The following GSN variants were observed in gnomAD, a reference collection of about 807,000 sequenced individuals.
GSN encodes actin-depolymerizing factor.
GSN carries 56 observed loss-of-function variants against 85.7 expected under a neutral mutation model. The observed-to-expected ratio is 0.65, with a 90% CI of 0.53 to 0.82. GSN has a LOEUF of 0.82. Among genes scored for constraint, GSN ranks in the 40% least tolerant of loss-of-function variants. GSN has a pLI of 0.00. For missense variants in GSN, 857 were observed against 979.8 expected, an observed-to-expected ratio of 0.87 and a Z score of 1.67; for synonymous variants, 373 against 399.1, an observed-to-expected ratio of 0.93 and a Z score of 0.78.
intron 5 of GSN, among the ~76,000 whole-genome samples, chr9:121,243,075 G>A (rs902030799): frequency 6.6e-6 from 1 of 152,152 alleles, no homozygotes; most frequent in Non-Finnish European, 1.5e-5. Context: ...AAGTTCTGGA[G>A]TTCAGCAGTC....
At chr9:121,311,269 T>C (rs2061107203) in intron 5 of GSN, 1 of 271,772 alleles carries the variant, frequency 3.7e-6, no homozygotes, top group South Asian at 4.2e-5. Context: ...ATGCCCATGA[T>C]CTATGGCAAT....
intron 2 of GSN, chr9:121,301,756 G>A (rs2059885689): frequency 7.0e-6 from 5 of 712,406 alleles, no homozygotes; most frequent in African/African-American, 1.7e-5. Context: ...GCTGGCCAGG[G>A]CACAGGTTTT....
At position 121,318,671 on chromosome 9, in the gene GSN, G is replaced by C. The variant is rs1413806267; in HGVS notation, c.982G>C (p.Val328Leu). 1 of 1,612,116 alleles carries C rather than the reference G, an allele frequency of 6.2e-7. No homozygotes were observed. The highest frequency in any genetic ancestry group is 8.5e-7 in the Non-Finnish European group (1 of 1,178,070). The stretch of plus-strand genomic sequence containing the variant: ...CTCTGCCTCCCCTCCCCAGGTCTCG[G>C]TCCTTCCTGAGGGCGGTGAGACCCC... ...MDYPKQTQVS[V>L]LPEGGETPLF... The change falls in exon 10 of 18, where the codon GTC becomes CTC. Residue 328 changes from valine to leucine, a missense_variant. Physicochemically the swap from Val to Leu is conservative, Grantham distance 32. Coordinates refer to ENST00000432226, the MANE Select transcript of GSN (RefSeq NM_198252.3). This position sits in a 1 kb window ranked among gnomAD's most constrained non-coding sequence, Gnocchi z 4.3.
In GSN at chr9:121,250,277, T is replaced by C. The variant is rs557796205; in HGVS notation, c.-341+1954T>C. 3.3e-5 allele frequency among the ~76,000 whole-genome samples: 5 copies of C among 149,860 alleles called. No individual in the cohort carries two copies. The South Asian group carries it at 8.5e-4, about 25-fold the overall frequency. On this transcript the variant is annotated intron_variant, in intron 6 of 24. Transcript: ENST00000373823. ...CGGAGTGCAGTGGCACAATCTTGGC[T>C]CACTGCAACCTCCGCCTCCTGGGTT...
At chr9:121,275,170 C>G (rs554007771) in intron 1 of GSN, among the ~76,000 whole-genome samples, 11 of 152,304 alleles carry the variant, frequency 7.2e-5, no homozygotes, top group Admixed American at 7.2e-4. Context: ...AATACACTTG[C>G]ACAATTCAGC....
rs1564364059 is a variant in GSN at position 121,261,506 on chromosome 9, C to T, written c.-340-3648C>T. On this transcript the variant is annotated intron_variant, in intron 6 of 24. Transcript: ENST00000373823. The surrounding 1 kb of genome is among the most constrained non-coding windows in gnomAD (Gnocchi z 4.1). ...GTTGTGAAATGTAAATAAGAGATTTCACCTTGCTGTGCCTCAGTTTCTCGA... is the reference window on the plus strand; with the variant it reads ...GTTGTGAAATGTAAATAAGAGATTTTACCTTGCTGTGCCTCAGTTTCTCGA... Among the ~76,000 whole-genome samples, 1 of 152,256 alleles carries T rather than the reference C, an allele frequency of 6.6e-6. No individual in the cohort carries two copies. The highest frequency in any genetic ancestry group is 2.4e-5 in the African/African-American group (1 of 41,476).
At chr9:121,258,959 G>A (rs1365419791) in intron 6 of GSN, among the ~76,000 whole-genome samples, 1 of 152,162 alleles carries the variant, frequency 6.6e-6, no homozygotes, top group African/African-American at 2.4e-5. Context: ...CAAGTTCTGT[G>A]TTGGGCACTG....
At chr9:121,227,775 G>GT (rs1454115832) in intron 4 of GSN, among the ~76,000 whole-genome samples, 2 of 151,818 alleles carry the variant, frequency 1.3e-5, no homozygotes, top group African/African-American at 2.4e-5. Context: ...GGTTTTTTGG[G>GT]TTTTTTTTCT....
At position 121,321,342 on chromosome 9, in the gene GSN, C is replaced by T. The variant is rs1304226711; in HGVS notation, c.1266C>T (p.Ser422=). Residue 422 remains serine (S), a synonymous_variant, in exon 11 of 18, where the codon AGC becomes AGT. Coordinates refer to ENST00000432226, the MANE Select transcript of GSN (RefSeq NM_198252.3). ...ATGGACAGTTCTATGGAGGCGACAG[C>T]TACATCATTCTGTACAACTACCGCC... ...ATYGQFYGGD[S]YIILYNYRHG... 2 of 1,613,922 alleles carry T rather than the reference C, an allele frequency of 1.2e-6. No individual in the cohort carries two copies. Among genetic ancestry groups the T allele is most frequent in the East Asian group, 4.5e-5 (2 of 44,874 alleles).
chr9:121,282,586 G>T lies in GSN; in HGVS notation c.-10+1024G>T, dbSNP rs569695802. The T allele has an allele frequency of 8.3e-6, 9 of 1,088,728 alleles. No individual in the cohort carries two copies. In the African/African-American group the frequency reaches 1.5e-4, roughly 18 times the overall value. 67.4% of individuals were successfully genotyped at this position (1,088,728 alleles called of 1,614,324 possible). A position where few individuals can be genotyped will look rare whatever the true frequency, so the allele number is the denominator to read the frequency against. On this transcript the variant is annotated intron_variant, in intron 2 of 17. Transcript: ENST00000432226. Reference sequence around the variant, plus strand: ...TTTTTGGTGGTCCCCAGGATGTTGTGCCCCAAAAGCCAGGGATTCCCAAAA... The same window carrying T: ...TTTTTGGTGGTCCCCAGGATGTTGTTCCCCAAAAGCCAGGGATTCCCAAAA...
Position 121,312,437 on chromosome 9 carries a change from G to A in GSN, c.612G>A (p.Arg204=), listed in dbSNP as rs975933022. The A allele has an allele frequency of 1.2e-6, 2 of 1,614,150 alleles. No individual in the cohort carries two copies. The highest frequency in any genetic ancestry group is 2.7e-5 in the African/African-American group (2 of 75,064). The change falls in exon 6 of 18, where the codon CGG becomes CGA. Residue 204 remains arginine (R), a synonymous_variant. Coordinates refer to ENST00000432226, the MANE Select transcript of GSN (RefSeq NM_198252.3). The part of the protein sequence containing the change: ...KGIRDNERSG[R]ARVHVSEEGT... ...TCCGGGACAACGAGCGGAGTGGCCG[G>A]GCCCGAGTGCACGTGTCTGAGGAGG...
At chr9:121,325,980 G>A (rs907492233) in intron 12 of GSN, among the ~76,000 whole-genome samples, 5 of 151,762 alleles carry the variant, frequency 3.3e-5, no homozygotes, top group Non-Finnish European at 7.4e-5. Context: ...CCGGGGCCAC[G>A]GTAAGGTGCC....
rs903298705 is a variant in GSN, at chr9:121,326,373, G to A, written c.1417-139G>A. ...TCCTGGAATTCTGGTGTCCCTGCCTGTGTGTTGTCGGGTCACATTCCATGC... is the reference window on the plus strand; with the variant it reads ...TCCTGGAATTCTGGTGTCCCTGCCTATGTGTTGTCGGGTCACATTCCATGC... On this transcript the variant is annotated intron_variant, in intron 12 of 17. Transcript: ENST00000432226. 21 of 744,798 alleles carry A rather than the reference G, an allele frequency of 2.8e-5. No homozygotes were observed. The African/African-American group carries it at 3.1e-4, about 11-fold the overall frequency. 46.1% of individuals were successfully genotyped at this position (744,798 alleles called of 1,614,324 possible).
chr9:121,233,817 G>A (rs2054439348), intron 5 of GSN, among the ~76,000 whole-genome samples: 1 of 152,192 alleles, frequency 6.6e-6, no homozygotes, highest in Non-Finnish European at 1.5e-5. Context: ...CTAACATTTG[G>A]AGAGCAGATG....
intron 4 of GSN, among the ~76,000 whole-genome samples, chr9:121,230,308 A>G (rs1177241149): frequency 1.3e-5 from 2 of 152,196 alleles, no homozygotes; most frequent in Non-Finnish European, 2.9e-5. Flanking sequence ...GCTCAAGCTC[A>G]GGACGTTCAA....
chr9:121,285,233 G>C (rs180912330), intron 2 of GSN: 76 of 167,280 alleles, frequency 4.5e-4, no homozygotes, highest in African/African-American at 1.8e-3. Flanking sequence ...GGCTGTGTTA[G>C]CTTTGTGTCC....
chr9:121,272,581 G>A lies in GSN; in HGVS notation c.-103+4362G>A, dbSNP rs143818385. On this transcript the variant is annotated intron_variant, in intron 1 of 17. Transcript: ENST00000432226. Reference sequence around the variant, plus strand: ...TACTGTTCTTGAATTTAATCTTTTCGGACTGAATTGATTGCCCCATTTTGC... The same window carrying A: ...TACTGTTCTTGAATTTAATCTTTTCAGACTGAATTGATTGCCCCATTTTGC... 3.4e-3 allele frequency among the ~76,000 whole-genome samples: 515 copies of A among 152,248 alleles called. 2 individuals carry two copies. The highest frequency in any genetic ancestry group is 9.4e-3 in the African/African-American group (391 of 41,536).
At chr9:121,297,051 AGCTGGGCAGTT>A (rs2059287764) in intron 2 of GSN, among the ~76,000 whole-genome samples, 1 of 152,224 alleles carries the variant, frequency 6.6e-6, no homozygotes, top group Admixed American at 6.5e-5. Context: ...GGGGCCCCTC[AGCTGGGCAGTT>A]GCTGGCCCAG....
intron 4 of GSN, among the ~76,000 whole-genome samples, chr9:121,225,411 AAG>A (rs568075130): frequency 6.6e-4 from 101 of 152,190 alleles, no homozygotes; most frequent in Non-Finnish European, 1.2e-3. Flanking sequence ...AGGATTAGCA[AAG>A]ATAATGCCTG....
Sources: allele counts gnomAD v4.1 joint callset (sites outside exome capture counted in the v4.1 genomes callset), GRCh38; gene constraint gnomAD v4.1.1; non-coding constraint Gnocchi (gnomAD v3.1); transcripts MANE v1.5; gene names NCBI Gene and HGNC (gene_info 2026-07-23, HGNC 2026-07-21).